The following ZBTB25 variants were observed in gnomAD, a reference collection of about 807,000 sequenced individuals.
The protein encoded by ZBTB25 is zinc finger and BTB domain-containing protein 25.
Under a neutral mutation model 34.2 loss-of-function variants are expected in ZBTB25, and 20 were observed. The ratio of observed to expected loss-of-function variants is 0.58; its 90% CI spans 0.41 to 0.85. The LOEUF is 0.85. Among genes scored for constraint, ZBTB25 ranks in the 40% least tolerant of loss-of-function variants. ZBTB25 has a pLI of 0.00. For missense variants in ZBTB25, 437 were observed against 521.8 expected, an observed-to-expected ratio of 0.84 and a Z score of 1.58; for synonymous variants, 175 against 186.4, an observed-to-expected ratio of 0.94 and a Z score of 0.50.
At chr14:64,453,444 G>A (rs1393190018) in intron 2 of ZBTB25, among the ~76,000 whole-genome samples, 2 of 152,096 alleles carry the variant, frequency 1.3e-5, no homozygotes, top group Non-Finnish European at 2.9e-5. Context: ...GGTTGCGCAT[G>A]CCTATAATCC....
chr14:64,500,205 T>G (rs1181057744), intron 1 of ZBTB25, among the ~76,000 whole-genome samples: 9 of 152,048 alleles, frequency 5.9e-5, no homozygotes, highest in Admixed American at 4.6e-4. Flanking sequence ...AGTACAGACC[T>G]AGAATACAGT....
At chr14:64,503,283 G>C in intron 1 of ZBTB25, 1 of 985,440 alleles carries the variant, frequency 1.0e-6, no homozygotes, top group South Asian at 4.7e-5. Flanking sequence ...AAAGTCGCCC[G>C]CTCGTAAGAG....
chr14:64,468,627 C>A (rs1235585934), intron 2 of ZBTB25: 1 of 1,613,764 alleles, frequency 6.2e-7, no homozygotes, highest in Non-Finnish European at 8.5e-7. Context: ...ACACGGGGGG[C>A]CTGGGCCTCA....
At chr14:64,457,752 G>C (rs192248870) in intron 2 of ZBTB25, among the ~76,000 whole-genome samples, 1 of 152,078 alleles carries the variant, frequency 6.6e-6, no homozygotes, top group African/African-American at 2.4e-5. Flanking sequence ...CACCACGCCC[G>C]GCAGGGATCA....
Position 64,484,468 on chromosome 14 carries a change from G to A in ZBTB25, c.*2455C>T, listed in dbSNP as rs2078837111. The A allele has an allele frequency of 6.6e-6, 1 of 152,340 alleles. No individual in the cohort carries two copies. The highest frequency in any genetic ancestry group is 2.1e-4 in the South Asian group (1 of 4,832). 9.4% of individuals were successfully genotyped at this position (152,340 alleles called of 1,614,324 possible). On this transcript the variant is annotated 3_prime_UTR_variant, in exon 3 of 3. Transcript: ENST00000608382. ...AGGCCGAGGCTGGTGCATGACCTGA[G>A]GTCAGGAGTTCCAGACCAGCCTGAC...
chr14:64,497,714 G>C (rs1200004467), intron 1 of ZBTB25, among the ~76,000 whole-genome samples: 1 of 152,078 alleles, frequency 6.6e-6, no homozygotes, highest in Non-Finnish European at 1.5e-5. Context: ...TTTAAAGCTG[G>C]CTTGATATTC....
At chr14:64,493,952 A>G (rs2079177391) in intron 1 of ZBTB25, among the ~76,000 whole-genome samples, 1 of 152,186 alleles carries the variant, frequency 6.6e-6, no homozygotes, top group Non-Finnish European at 1.5e-5. Context: ...AGCGGGGACA[A>G]GAAGCAGGAC....
exon 3 of ZBTB25, chr14:64,449,621 A>C (rs1344792111): frequency 6.2e-7 from 1 of 1,613,942 alleles, no homozygotes; most frequent in African/African-American, 1.3e-5. Context: ...TATGACCTCA[A>C]GGTGGGTGAT....
At chr14:64,499,157 TATAA>T (rs1436726362) in intron 1 of ZBTB25, among the ~76,000 whole-genome samples, 1 of 152,242 alleles carries the variant, frequency 6.6e-6, no homozygotes, top group African/African-American at 2.4e-5. Context: ...TACTAGTCTC[TATAA>T]ATAAACAATT....
rs1214046021 is a variant in ZBTB25, at chr14:64,478,728, A to C, written c.*8195T>G. 1 of 152,250 alleles carries C rather than the reference A, an allele frequency of 6.6e-6. No individual in the cohort carries two copies. Among genetic ancestry groups the C allele is most frequent in the East Asian group, 1.9e-4 (1 of 5,208 alleles). 9.4% of individuals were successfully genotyped at this position (152,250 alleles called of 1,614,324 possible). ...GTCAAGATATTGCAGTACCTTATGAAATTTTAAGAAAATTCTCATTAGTCT... is the reference window on the plus strand; with the variant it reads ...GTCAAGATATTGCAGTACCTTATGACATTTTAAGAAAATTCTCATTAGTCT... On this transcript the variant is annotated 3_prime_UTR_variant, in exon 3 of 3. Coordinates refer to ENST00000608382, the MANE Select transcript of ZBTB25 (RefSeq NM_006977.5).
intron 1 of ZBTB25, among the ~76,000 whole-genome samples, chr14:64,494,131 G>A (rs538814910): frequency 1.4e-4 from 21 of 152,268 alleles, no homozygotes; most frequent in South Asian, 8.3e-4. Context: ...ATAAGACAGA[G>A]GAGGAGAAAA....
intron 2 of ZBTB25, among the ~76,000 whole-genome samples, chr14:64,464,654 T>TA (rs2078591277): frequency 6.6e-6 from 1 of 152,284 alleles, no homozygotes; most frequent in South Asian, 2.1e-4. Context: ...TGCTATGCTA[T>TA]GGGGGCCAGA....
At chr14:64,471,477 T>G (rs530202291) in intron 2 of ZBTB25, 73 of 167,164 alleles carry the variant, frequency 4.4e-4, no homozygotes, top group African/African-American at 1.4e-3. Flanking sequence ...AATCCAGATA[T>G]ACTTTACAAA....
intron 1 of ZBTB25, chr14:64,502,876 A>G: frequency 1.0e-6 from 1 of 985,060 alleles, no homozygotes; most frequent in Non-Finnish European, 1.2e-6. Flanking sequence ...CTAAAATTTA[A>G]GATTCCAAAG....
At chr14:64,456,720 C>T (rs2078480562) in intron 2 of ZBTB25, among the ~76,000 whole-genome samples, 2 of 152,184 alleles carry the variant, frequency 1.3e-5, no homozygotes, top group South Asian at 4.1e-4. Flanking sequence ...ACCTCTTACA[C>T]AATATAAGAA....
chr14:64,450,816 T>TC (rs1486870899), intron 2 of ZBTB25, among the ~76,000 whole-genome samples: 1 of 151,662 alleles, frequency 6.6e-6, no homozygotes, highest in Non-Finnish European at 1.5e-5. Flanking sequence ...CAAGTGGTCC[T>TC]CCCACCTCAG....
At chr14:64,463,686 G>A (rs1011519966) in intron 2 of ZBTB25, among the ~76,000 whole-genome samples, 4 of 150,886 alleles carry the variant, frequency 2.7e-5, no homozygotes, top group Non-Finnish European at 5.9e-5. Flanking sequence ...GGTCCCAGCT[G>A]CATGGGAGGC....
At position 64,482,969 on chromosome 14, in the gene ZBTB25, A is replaced by T. The variant is rs2141016022; in HGVS notation, c.*3954T>A. On this transcript the variant is annotated 3_prime_UTR_variant, in exon 3 of 3. Transcript: ENST00000608382. ...AACAATCTCAAGAGTTATAAATAAA[A>T]AAATTTTTTGTTTTCTTATAAGGCA... 1 of 152,336 alleles carries T rather than the reference A, an allele frequency of 6.6e-6. No homozygotes were observed. The highest frequency in any genetic ancestry group is 2.1e-4 in the South Asian group (1 of 4,824). The allele number at this position is 152,336 out of a possible 1,614,324, so 9.4% of individuals were successfully genotyped here. A position where few individuals can be genotyped will look rare whatever the true frequency, so the allele number is the denominator to read the frequency against.
intron 1 of ZBTB25, among the ~76,000 whole-genome samples, chr14:64,495,783 C>G (rs1390974200): frequency 6.6e-6 from 1 of 151,942 alleles, no homozygotes; most frequent in African/African-American, 2.4e-5. Flanking sequence ...ATGGAGAAAC[C>G]CCATCTCTAC....
Sources: allele counts gnomAD v4.1 joint callset (sites outside exome capture counted in the v4.1 genomes callset), GRCh38; gene constraint gnomAD v4.1.1; transcripts MANE v1.5; gene names NCBI Gene and HGNC (gene_info 2026-07-23, HGNC 2026-07-21).